The following FBXL18 variants were observed in gnomAD, a reference collection of about 807,000 sequenced individuals.
The protein encoded by FBXL18 is F-box/LRR-repeat protein 18.
FBXL18 carries 36 observed loss-of-function variants against 46.0 expected under a neutral mutation model. That is an observed-to-expected ratio of 0.78 (90% CI 0.60 to 1.03). The LOEUF (loss-of-function observed/expected upper bound fraction) is 1.03, where lower values mean the gene tolerates loss of function less well. Among genes scored for constraint, FBXL18 ranks in the 50% least tolerant of loss-of-function variants. The pLI is 0.00. For synonymous variants in FBXL18, 557 were observed against 465.3 expected, an observed-to-expected ratio of 1.20 and a Z score of -2.54; for missense variants, 977 against 1,004.1, an observed-to-expected ratio of 0.97 and a Z score of 0.36.
intron 4 of FBXL18, among the ~76,000 whole-genome samples, chr7:5,490,446 C>G (rs1243208038): frequency 6.6e-6 from 1 of 152,216 alleles, no homozygotes; most frequent in Non-Finnish European, 1.5e-5. Context: ...AGCAGAGCAT[C>G]AAACTCCAGG....
At chr7:5,508,766 C>T (rs1356275477) in intron 1 of FBXL18, among the ~76,000 whole-genome samples, 2 of 152,080 alleles carry the variant, frequency 1.3e-5, no homozygotes, top group Non-Finnish European at 2.9e-5. Context: ...TTATCAGAAC[C>T]AGGGACAGTC....
intron 2 of FBXL18, 121 bp downstream of exon 2, chr7:5,505,291 C>G: frequency 1.1e-6 from 1 of 912,598 alleles, no homozygotes; most frequent in Non-Finnish European, 1.7e-6. Flanking sequence ...CGGCGCCAGT[C>G]AGGACTTGGA....
At chr7:5,509,798 G>A (rs1198696982) in intron 1 of FBXL18, among the ~76,000 whole-genome samples, 1 of 151,992 alleles carries the variant, frequency 6.6e-6, no homozygotes, top group Non-Finnish European at 1.5e-5. Flanking sequence ...TATCTGAGGG[G>A]TGATGCCCAG....
intron 4 of FBXL18, chr7:5,489,955 A>G: frequency 7.9e-7 from 1 of 1,270,006 alleles, no homozygotes; most frequent in Non-Finnish European, 1.0e-6. Flanking sequence ...AAACAAACAA[A>G]CAAGAAAAAA....
chr7:5,494,874 AAAAAAACC>A (rs1215884650), intron 3 of FBXL18, among the ~76,000 whole-genome samples: 1 of 152,066 alleles, frequency 6.6e-6, no homozygotes, highest in African/African-American at 2.4e-5. Flanking sequence ...AGAGCGTGGA[AAAAAAACC>A]TTTTTTCCAC....
chr7:5,507,348 G>A (rs1784418980), intron 1 of FBXL18, among the ~76,000 whole-genome samples: 1 of 152,126 alleles, frequency 6.6e-6, no homozygotes, highest in Admixed American at 6.6e-5. Context: ...ATCCTGCTAA[G>A]CCCTCGCCAG....
intron 4 of FBXL18, among the ~76,000 whole-genome samples, chr7:5,464,202 G>C (rs1180804853): frequency 6.6e-6 from 1 of 152,102 alleles, no homozygotes. Flanking sequence ...ATATTAACTG[G>C]GCATGGTGGC....
Position 5,456,412 on chromosome 7 carries a change from G to A in FBXL18, c.2001-8569C>T, listed in dbSNP as rs138581122. Among the ~76,000 whole-genome samples, 396 of 152,328 alleles carry A rather than the reference G, an allele frequency of 2.6e-3. 2 individuals are homozygous for A. The highest frequency in any genetic ancestry group is 8.2e-3 in the African/African-American group (339 of 41,584). On this transcript the variant is annotated intron_variant and NMD_transcript_variant, in intron 4 of 6. Transcript: ENST00000415009. ...ATCTCAAACTCATCACGATGTGCTC[G>A]CACAGAAACCCCTCATCTCACGCGG... is the stretch of plus-strand genomic sequence containing the variant.
intron 3 of FBXL18, among the ~76,000 whole-genome samples, chr7:5,500,217 G>C (rs563261317): frequency 6.6e-6 from 1 of 152,024 alleles, no homozygotes; most frequent in Non-Finnish European, 1.5e-5. Flanking sequence ...GTCCTGAGAC[G>C]ATTTCACAGG....
rs966967777 is a variant in FBXL18 at position 5,479,338 on chromosome 7, C to T, written c.*2437G>A. 3.3e-5 allele frequency: 5 copies of T among 152,258 alleles called. No homozygotes were observed. Among genetic ancestry groups the T allele is most frequent in the African/African-American group, 1.2e-4 (5 of 41,438 alleles). The allele number at this position is 152,258 out of a possible 1,614,324, so 9.4% of individuals were successfully genotyped here. ...CCTGGAGCAGACGCAATTCTCTAGCCCGAGTGGGGAATGTTCTGGAGGAAG... is the reference window on the plus strand; with the variant it reads ...CCTGGAGCAGACGCAATTCTCTAGCTCGAGTGGGGAATGTTCTGGAGGAAG... On this transcript the variant is annotated 3_prime_UTR_variant, in exon 5 of 5. Transcript: ENST00000382368.
chr7:5,473,297 G>A (rs1026317246), downstream of FBXL18, among the ~76,000 whole-genome samples: 4 of 152,060 alleles, frequency 2.6e-5, no homozygotes, highest in African/African-American at 9.7e-5. Flanking sequence ...CACCCTGGCC[G>A]CTCCGTTCTG....
At chr7:5,508,401 C>T (rs1287496773) in intron 1 of FBXL18, among the ~76,000 whole-genome samples, 1 of 151,112 alleles carries the variant, frequency 6.6e-6, no homozygotes, top group Non-Finnish European at 1.5e-5. Flanking sequence ...CGAGATCGCA[C>T]CATTGCATCC....
rs981729805 is a variant in FBXL18, at chr7:5,477,815, C to G, written c.*3960G>C. 2.0e-5 allele frequency: 3 copies of G among 152,368 alleles called. No homozygotes were observed. The highest frequency in any genetic ancestry group is 6.5e-5 in the Admixed American group (1 of 15,288). 9.4% of individuals were successfully genotyped at this position (152,368 alleles called of 1,614,324 possible). A position where few individuals can be genotyped will look rare whatever the true frequency, so the allele number is the denominator to read the frequency against. On this transcript the variant is annotated 3_prime_UTR_variant, in exon 5 of 5. Transcript: ENST00000382368. This position sits in a 1 kb window ranked among gnomAD's most constrained non-coding sequence, Gnocchi z 4.4. ...CTGCCTGCTGGGGGATCAAGGTCCC[C>G]GCATCCAGGCCTCCAGCACCCTCCA... is the stretch of plus-strand genomic sequence containing the variant.
intron 4 of FBXL18, among the ~76,000 whole-genome samples, chr7:5,466,634 C>T (rs1017043649): frequency 6.6e-6 from 1 of 152,214 alleles, no homozygotes; most frequent in African/African-American, 2.4e-5. Context: ...CTTCCGTTCC[C>T]CTCTGCCACA....
intron 3 of FBXL18, among the ~76,000 whole-genome samples, chr7:5,499,261 A>T (rs1784165913): frequency 6.6e-6 from 1 of 151,620 alleles, no homozygotes; most frequent in Non-Finnish European, 1.5e-5. Context: ...ACCCCTCGGC[A>T]CTGTTGCCCA....
At position 5,491,463 on chromosome 7, in the gene FBXL18, G is replaced by T; in HGVS notation, c.1782-14C>A. ...GGCTGCTCCAGCCTGCGGGGAGAGA[G>T]GGCAGCTGTGAGGTCCGAGGGAGGG... On this transcript the variant is annotated splice_polypyrimidine_tract_variant and intron_variant, in intron 3 of 4. Coordinates refer to ENST00000382368, the MANE Select transcript of FBXL18 (RefSeq NM_024963.6). The T allele has an allele frequency of 6.4e-7, 1 of 1,556,592 alleles. No homozygotes were observed. Among genetic ancestry groups the T allele is most frequent in the Non-Finnish European group, 8.7e-7 (1 of 1,151,014 alleles).
chr7:5,509,134 A>G (rs1460828288), intron 1 of FBXL18, among the ~76,000 whole-genome samples: 1 of 150,932 alleles, frequency 6.6e-6, no homozygotes, highest in East Asian at 2.0e-4. Flanking sequence ...TGAAGGTTGC[A>G]GTGAGCCGAG....
In FBXL18 at chr7:5,501,125, A is replaced by C; in HGVS notation, c.1144T>G (p.Cys382Gly). The change falls in exon 3 of 5, where the codon TGC becomes GGC. Residue 382 changes from cysteine to glycine, a missense_variant. Physicochemically the swap from Cys to Gly is radical, Grantham distance 159. Coordinates refer to ENST00000382368, the MANE Select transcript of FBXL18 (RefSeq NM_024963.6). ...AGGTTCAGGTGGCGCAGGTTGCAGC[A>C]GGACGCCACCAGAGTCTCCAGGATG... ...SSILETLVASCCNLRHLNLSA... is the reference protein window; with the variant it reads ...SSILETLVASGCNLRHLNLSA... The C allele has an allele frequency of 3.7e-6, 6 of 1,612,828 alleles. No homozygotes were observed. The highest frequency in any genetic ancestry group is 5.1e-6 in the Non-Finnish European group (6 of 1,179,802).
intron 3 of FBXL18, among the ~76,000 whole-genome samples, chr7:5,497,279 G>C (rs558561808): frequency 2.0e-5 from 3 of 152,024 alleles, no homozygotes; most frequent in Admixed American, 2.0e-4. Context: ...CTGAAAAGTC[G>C]CCCGTCTGGT....
Sources: gnomAD v4.1 joint callset for allele counts (sites outside exome capture counted in the v4.1 genomes callset) on GRCh38, gnomAD v4.1.1 for gene constraint, Gnocchi (gnomAD v3.1) non-coding constraint, MANE v1.5 for transcripts, NCBI Gene and HGNC (gene_info 2026-07-23, HGNC 2026-07-21) for gene names.